Variants in PTPRD observed in about 807,000 individuals in gnomAD.
The protein encoded by PTPRD is receptor-type tyrosine-protein phosphatase delta.
In PTPRD, 34 loss-of-function variants were observed where a neutral mutation model predicts 214.5. The ratio of observed to expected loss-of-function variants is 0.16; its 90% confidence interval spans 0.12 to 0.21. PTPRD has a LOEUF of 0.21. Ranked by LOEUF, PTPRD falls within the 10% of genes least tolerant of loss-of-function variation. PTPRD has a pLI of 1.00. For synonymous variants in PTPRD, 1,128 were observed against 845.7 expected (o/e 1.33, Z -5.79); for missense variants, 2,545 against 2,398.7 (o/e 1.06, Z -1.27).
chr9:8,915,173 A>G (rs1566974761), intron 11 of PTPRD, among the ~76,000 whole-genome samples: 1 of 152,218 alleles, frequency 6.6e-6, no homozygotes, highest in Non-Finnish European at 1.5e-5. Flanking sequence ...TAAAAACAAT[A>G]GAAAGCCTTT....
intron 5 of PTPRD, among the ~76,000 whole-genome samples, chr9:9,936,986 A>G (rs1193907228): frequency 6.6e-6 from 1 of 151,624 alleles, no homozygotes; most frequent in African/African-American, 2.4e-5. Flanking sequence ...CAAAAAACCA[A>G]ACCCCACATA....
intron 8 of PTPRD, among the ~76,000 whole-genome samples, chr9:9,490,546 C>T (rs1426207325): frequency 6.6e-6 from 1 of 151,878 alleles, no homozygotes; most frequent in African/African-American, 2.4e-5. Flanking sequence ...ATTTTGGGTA[C>T]ACAATGTATA....
intron 35 of PTPRD, among the ~76,000 whole-genome samples, chr9:8,410,403 G>C (rs1456134872): frequency 6.6e-6 from 1 of 152,150 alleles, no homozygotes; most frequent in Non-Finnish European, 1.5e-5. Context: ...TGTTTGCTCT[G>C]TGTTCCCTTT....
At chr9:8,725,156 T>C (rs1290362897) in intron 12 of PTPRD, among the ~76,000 whole-genome samples, 1 of 152,200 alleles carries the variant, frequency 6.6e-6, no homozygotes, top group Non-Finnish European at 1.5e-5. Context: ...TGTAAAATTA[T>C]TTCAAAATAG....
chr9:9,645,720 C>G (rs1004930183), intron 7 of PTPRD, among the ~76,000 whole-genome samples: 41 of 151,834 alleles, frequency 2.7e-4, no homozygotes, highest in African/African-American at 8.7e-4. Context: ...CCACTGTTTC[C>G]TTGAAAATTA....
At chr9:10,257,371 A>G (rs1041722093) in intron 3 of PTPRD, among the ~76,000 whole-genome samples, 1 of 152,200 alleles carries the variant, frequency 6.6e-6, no homozygotes, top group Non-Finnish European at 1.5e-5. Context: ...TGGTAGAGAA[A>G]GGCTCCCAGG....
intron 14 of PTPRD, among the ~76,000 whole-genome samples, chr9:8,551,055 G>A (rs2081961931): frequency 6.6e-6 from 1 of 152,156 alleles, no homozygotes; most frequent in African/African-American, 2.4e-5. Flanking sequence ...AAATCCCTAT[G>A]AAAACATATG....
chr9:8,903,540 A>C (rs2098687019), intron 11 of PTPRD, among the ~76,000 whole-genome samples: 1 of 152,210 alleles, frequency 6.6e-6, no homozygotes, highest in Admixed American at 6.5e-5. Flanking sequence ...GGTTTGACAA[A>C]AATTTTCAAC....
chr9:9,717,075 C>T lies in PTPRD; in HGVS notation c.-287+17458G>A, dbSNP rs1387156251. On this transcript the variant is annotated intron_variant, in intron 7 of 45. Coordinates refer to ENST00000381196, the MANE Select transcript of PTPRD (RefSeq NM_002839.4). ...GTTTCAGCTTTCTCCATATGGCTAG[C>T]CAGTTTTCCCAGCACCATTTATTAA... Among the ~76,000 whole-genome samples the T allele has an allele frequency of 7.2e-5, 11 of 152,162 alleles. No homozygotes were observed. The East Asian group carries it at 1.9e-3, about 27-fold the overall frequency.
At chr9:10,522,573 G>C (rs1446846926) in intron 2 of PTPRD, among the ~76,000 whole-genome samples, 1 of 152,046 alleles carries the variant, frequency 6.6e-6, no homozygotes, top group Non-Finnish European at 1.5e-5. Flanking sequence ...GGTGAATCCA[G>C]ATTTTACAGA....
chr9:9,308,162 C>G (rs145568603), intron 9 of PTPRD, among the ~76,000 whole-genome samples: 1 of 152,248 alleles, frequency 6.6e-6, no homozygotes, highest in African/African-American at 2.4e-5. Context: ...TTGTGTTAGG[C>G]TCTTTTTAAT....
At chr9:8,391,454 T>C (rs1186222040) in intron 36 of PTPRD, among the ~76,000 whole-genome samples, 1 of 152,162 alleles carries the variant, frequency 6.6e-6, no homozygotes, top group Non-Finnish European at 1.5e-5. Flanking sequence ...AAAGATCCTA[T>C]TCCTCCCCAA....
intron 14 of PTPRD, among the ~76,000 whole-genome samples, chr9:8,618,899 T>C (rs1158836965): frequency 1.4e-5 from 2 of 139,012 alleles, no homozygotes; most frequent in African/African-American, 5.4e-5. Context: ...TGTGTGTGTT[T>C]GTCTGTGTTT....
At chr9:9,890,194 C>G (rs1422266617) in intron 5 of PTPRD, among the ~76,000 whole-genome samples, 1 of 151,814 alleles carries the variant, frequency 6.6e-6, no homozygotes, top group Non-Finnish European at 1.5e-5. Flanking sequence ...ACTAAATATC[C>G]TATTAACATT....
chr9:10,360,974 C>A (rs372699547), intron 2 of PTPRD, among the ~76,000 whole-genome samples: 1 of 151,786 alleles, frequency 6.6e-6, no homozygotes, highest in African/African-American at 2.4e-5. Flanking sequence ...TGGTGCCGGG[C>A]GCCTGTAGTC....
intron 14 of PTPRD, among the ~76,000 whole-genome samples, chr9:8,566,701 T>A (rs2089371615): frequency 1.3e-5 from 2 of 152,192 alleles, no homozygotes; most frequent in Admixed American, 1.3e-4. Flanking sequence ...CATGATTATT[T>A]GCCAAATAAG....
At chr9:9,576,636 G>A (rs2088921923) in intron 7 of PTPRD, among the ~76,000 whole-genome samples, 1 of 152,154 alleles carries the variant, frequency 6.6e-6, no homozygotes, top group African/African-American at 2.4e-5. Context: ...TTGGTTAAAT[G>A]TTAAAAGGTT....
intron 11 of PTPRD, among the ~76,000 whole-genome samples, chr9:8,967,607 C>A (rs1426112480): frequency 6.6e-6 from 1 of 151,622 alleles, no homozygotes; most frequent in Non-Finnish European, 1.5e-5. Context: ...AACGTGGTAT[C>A]AAAAAACAAT....
intron 4 of PTPRD, among the ~76,000 whole-genome samples, chr9:9,973,585 T>C (rs1487840011): frequency 6.6e-6 from 1 of 152,144 alleles, no homozygotes; most frequent in Non-Finnish European, 1.5e-5. Context: ...AAAACTAACT[T>C]TCTTCGCTAG....
Sources: gnomAD v4.1 joint callset for allele counts (sites outside exome capture counted in the v4.1 genomes callset) on GRCh38, gnomAD v4.1.1 for gene constraint, MANE v1.5 for transcripts, NCBI Gene and HGNC (gene_info 2026-07-23, HGNC 2026-07-21) for gene names.